AP3S2: variants seen among roughly 807,000 people sequenced by gnomAD.
AP3S2 encodes the protein adaptor related protein complex 3 subunit sigma 2.
AP3S2 carries 22 observed loss-of-function variants against 23.4 expected under a neutral mutation model. The observed-to-expected ratio is 0.94, with a 90% CI of 0.67 to 1.34. AP3S2 has a LOEUF of 1.34. AP3S2 is among the 40% of genes most tolerant of loss of function. The probability of loss-of-function intolerance (pLI) is 0.00; values close to 1 mark genes in which losing one functional copy is unlikely to be tolerated. For synonymous variants in AP3S2, 86 were observed against 87.1 expected (o/e 0.99, Z 0.07); for missense variants, 241 against 236.9 (o/e 1.02, Z -0.11).
rs1328972903 is a variant in AP3S2 at position 89,868,550 on chromosome 15, C to T, written c.345+2925G>A. 8.4e-5 allele frequency among the ~76,000 whole-genome samples: 11 copies of T among 130,244 alleles called. No individual in the cohort carries two copies. The East Asian group carries it at 2.3e-3, about 27-fold the overall frequency. 85.4% of individuals were successfully genotyped at this position (130,244 alleles called of 152,430 possible). ...CAGCCCCCCGCCCGGCCAGCCGCCC[C>T]GTCCGGGAGGGAGGTGGGGGGGTCA... On this transcript the variant is annotated intron_variant, in intron 4 of 5. Coordinates refer to ENST00000336418, the MANE Select transcript of AP3S2 (RefSeq NM_005829.5).
chr15:89,872,765 C>G (rs1896351077), intron 3 of AP3S2, among the ~76,000 whole-genome samples: 1 of 152,214 alleles, frequency 6.6e-6, no homozygotes, highest in Non-Finnish European at 1.5e-5. Context: ...GGAGCTGATC[C>G]TGCTCTGTCT....
At chr15:89,875,803 G>C (rs1301360413) in intron 3 of AP3S2, among the ~76,000 whole-genome samples, 1 of 152,146 alleles carries the variant, frequency 6.6e-6, no homozygotes, top group African/African-American at 2.4e-5. Flanking sequence ...ACAAAAGTTA[G>C]CCAGGCGTGG....
intron 3 of AP3S2, among the ~76,000 whole-genome samples, chr15:89,887,707 G>A (rs1896732345): frequency 6.6e-6 from 1 of 152,072 alleles, no homozygotes; most frequent in East Asian, 1.9e-4. Context: ...GTCTCACTCT[G>A]TTGCCCAGGC....
At chr15:89,855,559 C>T (rs1296348072) in intron 4 of AP3S2, among the ~76,000 whole-genome samples, 18 of 146,550 alleles carry the variant, frequency 1.2e-4, no homozygotes, top group African/African-American at 4.5e-4. Context: ...AAAGAATGGA[C>T]TTTCCCAGGC....
chr15:89,858,453 GA>G (rs1204508976), intron 4 of AP3S2, among the ~76,000 whole-genome samples: 1 of 114,816 alleles, frequency 8.7e-6, no homozygotes, highest in Non-Finnish European at 1.8e-5. Context: ...AAAAAAGAAA[GA>G]AAAAGAAAGA....
intron 4 of AP3S2, among the ~76,000 whole-genome samples, chr15:89,866,954 T>C (rs892147641): frequency 1.3e-5 from 2 of 150,646 alleles, no homozygotes; most frequent in African/African-American, 4.9e-5. Context: ...TGGGCTCTTC[T>C]CTTGCTTTGA....
chr15:89,882,050 G>A (rs2141894512), intron 3 of AP3S2, among the ~76,000 whole-genome samples: 1 of 152,146 alleles, frequency 6.6e-6, no homozygotes, highest in East Asian at 1.9e-4. Context: ...TTGAACTCCT[G>A]ACCTCAGGTG....
intron 4 of AP3S2, among the ~76,000 whole-genome samples, chr15:89,861,016 C>G (rs899392060): frequency 1.3e-5 from 2 of 152,232 alleles, no homozygotes; most frequent in African/African-American, 4.8e-5. Flanking sequence ...GACCTGCAGT[C>G]AGGACATCTG....
At chr15:89,846,837 T>C (rs980763884) in intron 4 of AP3S2, among the ~76,000 whole-genome samples, 12 of 152,078 alleles carry the variant, frequency 7.9e-5, no homozygotes, top group Non-Finnish European at 1.6e-4. Flanking sequence ...ACCTGGCTAA[T>C]TTTTGTATTT....
chr15:89,886,744 T>A (rs1249229394), intron 3 of AP3S2, among the ~76,000 whole-genome samples: 1 of 152,228 alleles, frequency 6.6e-6, no homozygotes, highest in Non-Finnish European at 1.5e-5. Context: ...ATATCACTTT[T>A]CAGATGGTAG....
At chr15:89,858,571 ACTT>A (rs1895923574) in intron 4 of AP3S2, among the ~76,000 whole-genome samples, 1 of 151,082 alleles carries the variant, frequency 6.6e-6, no homozygotes, top group African/African-American at 2.4e-5. Context: ...GAGAAACTCT[ACTT>A]CTTATCTTAG....
intron 4 of AP3S2, among the ~76,000 whole-genome samples, chr15:89,844,281 CTCTTTCTT>C (rs1227024976): frequency 4.3e-5 from 2 of 46,302 alleles, no homozygotes; most frequent in Non-Finnish European, 1.3e-4. Context: ...CTCTCTCTCT[CTCTTTCTT>C]TCTTTACTTT....
intron 1 of AP3S2, chr15:89,889,372 T>A (rs1244814198): frequency 9.6e-6 from 5 of 521,994 alleles, no homozygotes; most frequent in Non-Finnish European, 1.4e-5. Flanking sequence ...AATATCTAAG[T>A]CACTAACCAT....
chr15:89,881,192 A>T (rs1567186594), intron 3 of AP3S2, among the ~76,000 whole-genome samples: 1 of 152,344 alleles, frequency 6.6e-6, no homozygotes, highest in East Asian at 1.9e-4. Flanking sequence ...CCTAGAGCAT[A>T]GTGAAGATGA....
intron 4 of AP3S2, among the ~76,000 whole-genome samples, chr15:89,856,381 G>T (rs1364078493): frequency 6.6e-6 from 1 of 151,820 alleles, no homozygotes; most frequent in Non-Finnish European, 1.5e-5. Flanking sequence ...TGGCCAACAT[G>T]GCGAAACCCT....
At chr15:89,884,676 C>T (rs1896652570) in intron 3 of AP3S2, among the ~76,000 whole-genome samples, 1 of 147,374 alleles carries the variant, frequency 6.8e-6, no homozygotes, top group Non-Finnish European at 1.5e-5. Context: ...GAGATAGAGT[C>T]TCACTCTATC....
intron 5 of AP3S2, among the ~76,000 whole-genome samples, chr15:89,835,900 C>G (rs1373617199): frequency 6.6e-6 from 1 of 151,846 alleles, no homozygotes; most frequent in Non-Finnish European, 1.5e-5. Context: ...TGGTGGCGGG[C>G]CCCTGTAGTC....
At chr15:89,865,375 A>G (rs942543080) in intron 4 of AP3S2, 2 of 152,220 alleles carry the variant, frequency 1.3e-5, no homozygotes, top group African/African-American at 2.4e-5. Context: ...GCATATTAGT[A>G]TAATTTTACC....
At chr15:89,859,659 T>C (rs1895964057) in intron 4 of AP3S2, among the ~76,000 whole-genome samples, 1 of 151,624 alleles carries the variant, frequency 6.6e-6, no homozygotes, top group Admixed American at 6.6e-5. Flanking sequence ...CCTCCCAAAG[T>C]GCTAAGATTA....
Sources: allele counts gnomAD v4.1 joint callset (sites outside exome capture counted in the v4.1 genomes callset), GRCh38; gene constraint gnomAD v4.1.1; transcripts MANE v1.5; gene names NCBI Gene and HGNC (gene_info 2026-07-23, HGNC 2026-07-21).